Variants in KIF3C observed in about 807,000 individuals in gnomAD.
KIF3C encodes the protein kinesin family member 3C, also known as kinesin-like protein KIF3C.
KIF3C carries 12 observed loss-of-function variants against 67.7 expected under a neutral mutation model. That is an observed-to-expected ratio of 0.18 (90% CI 0.11 to 0.29). KIF3C has a LOEUF of 0.29. Ranked by LOEUF, KIF3C falls within the 10% of genes least tolerant of loss-of-function variation. The pLI is 1.00. For synonymous variants in KIF3C, 393 were observed against 426.2 expected, an observed-to-expected ratio of 0.92 and a Z score of 0.96; for missense variants, 789 against 1,059.6, an observed-to-expected ratio of 0.74 and a Z score of 3.55.
In KIF3C at chr2:25,982,356, G is replaced by C; in HGVS notation, c.-439C>G. 2.5e-6 allele frequency: 1 copy of C among 399,046 alleles called. No homozygotes were observed. The highest frequency in any genetic ancestry group is 4.4e-6 in the Non-Finnish European group (1 of 226,398). The allele number at this position is 399,046 out of a possible 1,614,324, so 24.7% of individuals were successfully genotyped here. A position where few individuals can be genotyped will look rare whatever the true frequency, so the allele number is the denominator to read the frequency against. ...TGGGCTGCCGGTCGTGGGCGGCCGGGGGTCCCGGGCCTCCCGAGGGCAGAG... is the reference window on the plus strand; with the variant it reads ...TGGGCTGCCGGTCGTGGGCGGCCGGCGGTCCCGGGCCTCCCGAGGGCAGAG... On this transcript the variant is annotated 5_prime_UTR_variant, in exon 1 of 8. Transcript: ENST00000264712.
At chr2:25,943,457 G>A (rs941190051) in intron 5 of KIF3C, among the ~76,000 whole-genome samples, 1 of 152,176 alleles carries the variant, frequency 6.6e-6, no homozygotes, top group Non-Finnish European at 1.5e-5. Context: ...TCACAACTGG[G>A]ATTTCAATTA....
At chr2:25,954,012 A>C in intron 4 of KIF3C, 1 of 440,724 alleles carries the variant, frequency 2.3e-6, no homozygotes, top group Non-Finnish European at 4.1e-6. Flanking sequence ...TTCTTATGCA[A>C]AGATGGTAGC....
intron 5 of KIF3C, chr2:25,934,115 G>C (rs889165302): frequency 2.1e-6 from 1 of 470,054 alleles, no homozygotes; most frequent in African/African-American, 2.0e-5. Context: ...GAACTCAGTC[G>C]CAACGGACTA....
chr2:25,945,823 T>C (rs1663418032), intron 5 of KIF3C, among the ~76,000 whole-genome samples: 1 of 151,946 alleles, frequency 6.6e-6, no homozygotes, highest in Non-Finnish European at 1.5e-5. Context: ...AAGCAAATAG[T>C]TTTTGGATGT....
chr2:25,950,584 C>T (rs954300940), intron 5 of KIF3C, among the ~76,000 whole-genome samples: 20 of 152,094 alleles, frequency 1.3e-4, no homozygotes, highest in Non-Finnish European at 2.6e-4. Flanking sequence ...CATCCAACTC[C>T]AGCAAATGTC....
Position 25,960,060 on chromosome 2 carries a change from A to G in KIF3C, c.1546-3616T>C, listed in dbSNP as rs193081846. Reference sequence around the variant, plus strand: ...ATTCTTTATTCTTTATAATCAAAAGACACTTGCTCTCAAATATCACTGCAT... The same window carrying G: ...ATTCTTTATTCTTTATAATCAAAAGGCACTTGCTCTCAAATATCACTGCAT... On this transcript the variant is annotated intron_variant, in intron 1 of 7. Transcript: ENST00000264712. Among the ~76,000 whole-genome samples the G allele has an allele frequency of 5.5e-4, 83 of 152,200 alleles. No individual in the cohort carries two copies. The East Asian group carries it at 0.012, about 22-fold the overall frequency.
Position 25,928,292 on chromosome 2 carries a change from C to T in KIF3C, c.*686G>A, listed in dbSNP as rs1455717261. 6.6e-6 allele frequency: 1 copy of T among 152,226 alleles called. No homozygotes were observed. The highest frequency in any genetic ancestry group is 1.5e-5 in the Non-Finnish European group (1 of 68,104). The allele number at this position is 152,226 out of a possible 1,614,324, so 9.4% of individuals were successfully genotyped here. On this transcript the variant is annotated 3_prime_UTR_variant, in exon 8 of 8. Transcript: ENST00000264712. Reference sequence around the variant, plus strand: ...TCCAAGGCGATGGTAATTGCTTGGTCCACAGTTCCCATCCAAGGTGGGCAG... The same window carrying T: ...TCCAAGGCGATGGTAATTGCTTGGTTCACAGTTCCCATCCAAGGTGGGCAG...
chr2:25,932,279 C>T (rs1396756417), intron 5 of KIF3C, among the ~76,000 whole-genome samples: 1 of 151,714 alleles, frequency 6.6e-6, no homozygotes, highest in Non-Finnish European at 1.5e-5. Flanking sequence ...GGATTACAGA[C>T]ATAGGCCACT....
chr2:25,952,054 G>T, intron 4 of KIF3C, 149 bp from the exon 5 acceptor site: 1 of 599,326 alleles, frequency 1.7e-6, no homozygotes, highest in South Asian at 1.7e-5. Context: ...CACTTTGGGA[G>T]ACCAAGGCGG....
chr2:25,945,382 C>A (rs952934538), intron 5 of KIF3C, among the ~76,000 whole-genome samples: 4 of 150,684 alleles, frequency 2.7e-5, no homozygotes, highest in African/African-American at 9.8e-5. Flanking sequence ...TTCAATAATT[C>A]TTGGTCTGGG....
chr2:25,963,624 A>G (rs1177617792), intron 1 of KIF3C, among the ~76,000 whole-genome samples: 1 of 151,554 alleles, frequency 6.6e-6, no homozygotes, highest in Non-Finnish European at 1.5e-5. Flanking sequence ...TGCCAGCAGT[A>G]AATAATGGAA....
At chr2:25,933,207 C>T (rs1403443625) in intron 5 of KIF3C, among the ~76,000 whole-genome samples, 1 of 150,494 alleles carries the variant, frequency 6.6e-6, no homozygotes, top group Non-Finnish European at 1.5e-5. Flanking sequence ...GCCAAGATCA[C>T]GCCATTGCAC....
intron 5 of KIF3C, among the ~76,000 whole-genome samples, chr2:25,948,280 T>C (rs535039400): frequency 6.6e-6 from 1 of 151,844 alleles, no homozygotes; most frequent in African/African-American, 2.4e-5. Context: ...CCAGGCTGGG[T>C]GGGGTGGCTC....
intron 5 of KIF3C, among the ~76,000 whole-genome samples, chr2:25,938,041 G>T (rs757338092): frequency 6.6e-6 from 1 of 151,444 alleles, no homozygotes; most frequent in Non-Finnish European, 1.5e-5. Context: ...GTGACAGAGC[G>T]AGACTCTGTC....
intron 5 of KIF3C, chr2:25,933,963 C>T: frequency 3.3e-6 from 1 of 305,628 alleles, no homozygotes; most frequent in South Asian, 2.9e-5. Context: ...GTGGAAATTA[C>T]CGAAATGTCC....
At chr2:25,969,402 G>A (rs1664223936) in intron 1 of KIF3C, among the ~76,000 whole-genome samples, 1 of 151,498 alleles carries the variant, frequency 6.6e-6, no homozygotes, top group Non-Finnish European at 1.5e-5. Context: ...GTGGGTGATG[G>A]GTGCACCAAA....
intron 5 of KIF3C, 135 bp from the exon 6 acceptor site, chr2:25,930,198 T>C (rs1180207827): frequency 7.4e-6 from 5 of 671,292 alleles, no homozygotes; most frequent in Non-Finnish European, 1.3e-5. Flanking sequence ...TTCTCCTTGC[T>C]CTAATACAGC....
chr2:25,980,034 C>T lies in KIF3C; in HGVS notation c.1545+339G>A, dbSNP rs1664522524. Among the ~76,000 whole-genome samples the T allele has an allele frequency of 6.6e-6, 1 of 152,120 alleles. No individual in the cohort carries two copies. The highest frequency in any genetic ancestry group is 6.5e-5 in the Admixed American group (1 of 15,268). On this transcript the variant is annotated intron_variant, in intron 1 of 7. Transcript: ENST00000264712. This position sits in a 1 kb window ranked among gnomAD's most constrained non-coding sequence, Gnocchi z 7.6. Reference sequence around the variant, plus strand: ...AGGAGGCTGTGAAGGAACAAGAACCCACATTCACAAGAGGCTGCCTGGCCA... The same window carrying T: ...AGGAGGCTGTGAAGGAACAAGAACCTACATTCACAAGAGGCTGCCTGGCCA...
At position 25,942,706 on chromosome 2, in the gene KIF3C, G is replaced by C. The variant is rs893856959; in HGVS notation, c.2006+9083C>G. On this transcript the variant is annotated intron_variant, in intron 5 of 7. Transcript: ENST00000264712. ...ATTACAGGCGTGAGCCACCGCGCCAGTGCAAAAATGTTTTTTAAAGTAACT... is the reference window on the plus strand; with the variant it reads ...ATTACAGGCGTGAGCCACCGCGCCACTGCAAAAATGTTTTTTAAAGTAACT... 2.0e-5 allele frequency among the ~76,000 whole-genome samples: 3 copies of C among 152,290 alleles called. No individual in the cohort carries two copies. In the East Asian group the frequency reaches 5.8e-4, roughly 29 times the overall value.
Sources: gnomAD v4.1 joint callset for allele counts (sites outside exome capture counted in the v4.1 genomes callset) on GRCh38, gnomAD v4.1.1 for gene constraint, Gnocchi (gnomAD v3.1) non-coding constraint, MANE v1.5 for transcripts, NCBI Gene and HGNC (gene_info 2026-07-23, HGNC 2026-07-21) for gene names.